GSG1L2: variants seen among roughly 807,000 people sequenced by gnomAD.
GSG1L2 encodes the protein GSG1 like 2, also known as germ cell-specific gene 1-like protein 2.
GSG1L2 carries 15 observed loss-of-function variants against 9.0 expected under a neutral mutation model. That is an observed-to-expected ratio of 1.67 (90% confidence interval 1.12 to 2.57). The LOEUF (loss-of-function observed/expected upper bound fraction) is 2.57, where lower values mean the gene tolerates loss of function less well. Ranked by LOEUF, GSG1L2 falls within the 30% of genes most tolerant of loss-of-function variation. The probability of loss-of-function intolerance (pLI) is 0.00; values close to 1 mark genes in which losing one functional copy is unlikely to be tolerated. For missense variants in GSG1L2, 286 were observed against 150.3 expected, an observed-to-expected ratio of 1.90 and a Z score of -4.72; for synonymous variants, 127 against 57.9, an observed-to-expected ratio of 2.19 and a Z score of -5.41.
chr17:9,806,788 T>A (rs2066517721), intron 4 of GSG1L2, among the ~76,000 whole-genome samples: 1 of 152,148 alleles, frequency 6.6e-6, no homozygotes, highest in Non-Finnish European at 1.5e-5. Context: ...GAAACATTTG[T>A]AAAAATTAAC....
At position 9,808,848 on chromosome 17, in the gene GSG1L2, T is replaced by C. The variant is rs1035867232; in HGVS notation, c.493A>G (p.Ile165Val). The change falls in exon 3 of 5, where the codon ATC (isoleucine) becomes GTC (valine). Residue 165 changes from isoleucine (I) to valine (V), a missense_variant. By Grantham distance (29) the Ile-to-Val change is conservative (BLOSUM62 3). Transcript: ENST00000399363. ...AAAGTACCTGCCAGCACCATGAAGATGGCTACCAAGGCATCCACCCTGAGC... is the reference window on the plus strand; with the variant it reads ...AAAGTACCTGCCAGCACCATGAAGACGGCTACCAAGGCATCCACCCTGAGC... The part of the protein sequence containing the change: ...HWLRVDALVA[I>V]FMVLAGLLGM... The C allele has an allele frequency of 2.0e-5, 14 of 702,764 alleles. No individual in the cohort carries two copies. The highest frequency in any genetic ancestry group is 3.1e-5 in the Non-Finnish European group (12 of 384,992). 43.5% of individuals were successfully genotyped at this position (702,764 alleles called of 1,614,324 possible).
intron 2 of GSG1L2, 34 bp downstream of exon 2, chr17:9,810,537 G>T: frequency 1.4e-6 from 1 of 702,816 alleles, no homozygotes; most frequent in Non-Finnish European, 2.6e-6. Flanking sequence ...GCTATGAGGA[G>T]TGCTAGTGGG....
At chr17:9,814,481 A>C (rs1181053365) in intron 1 of GSG1L2, among the ~76,000 whole-genome samples, 1 of 152,142 alleles carries the variant, frequency 6.6e-6, no homozygotes, top group Non-Finnish European at 1.5e-5. Context: ...AGACGAGGCC[A>C]GCACAGAGCC....
At chr17:9,816,896 CTGTGTGTGTGTATCTGTG>C (rs1306178685) in intron 1 of GSG1L2, among the ~76,000 whole-genome samples, 3 of 134,854 alleles carry the variant, frequency 2.2e-5, no homozygotes, top group Non-Finnish European at 4.9e-5. Flanking sequence ...GTGTGTGTAT[CTGTGTGTGTGTATCTGTG>C]TGTGTGTGTG....
At chr17:9,819,114 A>G (rs1000978522) in intron 1 of GSG1L2, among the ~76,000 whole-genome samples, 19 of 152,210 alleles carry the variant, frequency 1.2e-4, no homozygotes, top group African/African-American at 4.6e-4. Flanking sequence ...TATTAGAAAC[A>G]TGAGTAACAC....
In GSG1L2 at chr17:9,808,982, C is replaced by T. The variant is rs1281671134; in HGVS notation, c.359G>A (p.Gly120Asp). The part of the protein sequence containing the change: ...FRSVVPAEEQ[G>D]VLWLSIGGEV... Reference sequence around the variant, plus strand: ...GCCCCCGATGGACAGCCACAAAACACCTGCCAAAGAACGGGATGTTGGAAA... The same window carrying T: ...GCCCCCGATGGACAGCCACAAAACATCTGCCAAAGAACGGGATGTTGGAAA... Residue 120 changes from glycine (G) to aspartate (D), a missense_variant and splice_region_variant, in exon 3 of 5, where the codon GGT (glycine) becomes GAT (aspartate). Transcript: ENST00000399363. 3 of 702,928 alleles carry T rather than the reference C, an allele frequency of 4.3e-6. No individual in the cohort carries two copies. The South Asian group carries it at 4.4e-5, about 10-fold the overall frequency. 43.5% of individuals were successfully genotyped at this position (702,928 alleles called of 1,614,324 possible). A position where few individuals can be genotyped will look rare whatever the true frequency, so the allele number is the denominator to read the frequency against.
chr17:9,810,303 T>A, intron 2 of GSG1L2: 1 of 532,934 alleles, frequency 1.9e-6, no homozygotes, highest in East Asian at 3.1e-5. Flanking sequence ...TGAAATTGGC[T>A]ATGGTGGGAA....
Position 9,821,784 on chromosome 17 carries a change from G to T in GSG1L2, c.288C>A (p.Cys96Ter), listed in dbSNP as rs8067929. The change falls in exon 1 of 5, where the codon TGC becomes TGA. Residue 96 changes from cysteine to a stop codon, truncating the protein, a stop_gained. Coordinates refer to ENST00000399363, the MANE Select transcript of GSG1L2 (RefSeq NM_001310219.2). LOFTEE classifies it high-confidence loss of function. ...RGFHVGLWQSCEESLNGEDEK... is the reference protein window; with the variant it reads ...RGFHVGLWQS ...CACCTTCACCGTTGAGGCTCTCCTC[G>T]CAGGACTGCCAGAGCCCCACATGGA... The T allele has an allele frequency of 5.7e-6, 4 of 703,264 alleles. No individual in the cohort carries two copies. The highest frequency in any genetic ancestry group is 1.0e-5 in the Non-Finnish European group (4 of 385,032). 43.6% of individuals were successfully genotyped at this position (703,264 alleles called of 1,614,324 possible).
rs371599652 is a variant in GSG1L2 at position 9,801,704 on chromosome 17, G to T, written c.*682C>A. Among the ~76,000 whole-genome samples the T allele has an allele frequency of 6.6e-6, 1 of 152,176 alleles. No homozygotes were observed. The highest frequency in any genetic ancestry group is 2.1e-4 in the South Asian group (1 of 4,828). On this transcript the variant is annotated 3_prime_UTR_variant, in exon 5 of 5. Coordinates refer to ENST00000399363, the MANE Select transcript of GSG1L2 (RefSeq NM_001310219.2). ...ATTTTTAGAAGCAAAAGTGGCTGGC[G>T]ATTTAATTTAAGCAGAACAACTCAA...
At chr17:9,813,681 C>G (rs886738501) in intron 1 of GSG1L2, among the ~76,000 whole-genome samples, 1 of 152,220 alleles carries the variant, frequency 6.6e-6, no homozygotes, top group Non-Finnish European at 1.5e-5. Context: ...GCAGAGCCTT[C>G]TCTCACGTCG....
chr17:9,813,938 T>G (rs2066549354), intron 1 of GSG1L2, among the ~76,000 whole-genome samples: 1 of 118,122 alleles, frequency 8.5e-6, no homozygotes, highest in South Asian at 3.5e-4. Flanking sequence ...CATTCCACAG[T>G]TTTTTCTGTT....
chr17:9,816,545 T>C (rs2066562978), intron 1 of GSG1L2, among the ~76,000 whole-genome samples: 1 of 150,388 alleles, frequency 6.6e-6, no homozygotes, highest in African/African-American at 2.5e-5. Context: ...TGCACGTGCG[T>C]GTGTCTGTGT....
rs930277598 is a variant in GSG1L2 at position 9,822,000 on chromosome 17, G to A, written c.72C>T (p.Thr24=). The change falls in exon 1 of 5, where the codon ACC becomes ACT. Residue 24 remains threonine (T), a synonymous_variant. Coordinates refer to ENST00000399363, the MANE Select transcript of GSG1L2 (RefSeq NM_001310219.2). ...CACACCAGTGGCTGCTGACCACGGC[G>A]GTGAGGGAGAAGGTGAGGGCGAGGC... ...PVCLALTFSL[T]AVVSSHWCEG... is the part of the protein sequence containing the mutation. The A allele has an allele frequency of 4.0e-5, 28 of 703,084 alleles. No homozygotes were observed. The highest frequency in any genetic ancestry group is 1.0e-4 in the Admixed American group (5 of 50,028). 43.6% of individuals were successfully genotyped at this position (703,084 alleles called of 1,614,324 possible). A position where few individuals can be genotyped will look rare whatever the true frequency, so the allele number is the denominator to read the frequency against.
intron 1 of GSG1L2, among the ~76,000 whole-genome samples, chr17:9,816,363 C>CGT (rs146437939): frequency 5.9e-5 from 6 of 101,432 alleles, no homozygotes; most frequent in African/African-American, 1.5e-4. Context: ...CACGCGTATG[C>CGT]GTGTGTCTGT....
chr17:9,816,556 G>A (rs1422207202), intron 1 of GSG1L2, among the ~76,000 whole-genome samples: 3 of 147,408 alleles, frequency 2.0e-5, no homozygotes, highest in Non-Finnish European at 3.0e-5. Flanking sequence ...GTGTCTGTGT[G>A]TGCATGCATA....
intron 1 of GSG1L2, among the ~76,000 whole-genome samples, chr17:9,818,186 G>C (rs1225024797): frequency 6.6e-6 from 1 of 152,156 alleles, no homozygotes; most frequent in Non-Finnish European, 1.5e-5. Context: ...GCATAGCACT[G>C]GCATCTGCTC....
At chr17:9,810,810 TAACACTC>T in intron 1 of GSG1L2, 192 bp from the exon 2 acceptor site, 1 of 588,420 alleles carries the variant, frequency 1.7e-6, no homozygotes, top group Non-Finnish European at 3.0e-6. Context: ...CTTGGCCACG[TAACACTC>T]TTTGACCAAT....
intron 1 of GSG1L2, among the ~76,000 whole-genome samples, chr17:9,811,490 G>A (rs554590852): frequency 8.5e-5 from 13 of 152,284 alleles, no homozygotes; most frequent in East Asian, 5.8e-4. Flanking sequence ...AAAATTCTAA[G>A]TCCATGGATA....
At chr17:9,804,631 A>G (rs1371559563) in intron 4 of GSG1L2, 1 of 152,218 alleles carries the variant, frequency 6.6e-6, no homozygotes, top group South Asian at 2.1e-4. Context: ...CTACAAACCG[A>G]TATTTGTGTG....
Sources: allele counts gnomAD v4.1 joint callset (sites outside exome capture counted in the v4.1 genomes callset), GRCh38; gene constraint gnomAD v4.1.1; transcripts MANE v1.5; gene names NCBI Gene and HGNC (gene_info 2026-07-23, HGNC 2026-07-21).